Variants in P2RY8 observed in about 807,000 individuals in gnomAD.
P2RY8 encodes P2Y receptor family member 8.
A neutral mutation model predicts 10.0 loss-of-function variants in P2RY8; 6 were observed. The observed-to-expected ratio is 0.60, with a 90% CI of 0.33 to 1.19. The LOEUF (loss-of-function observed/expected upper bound fraction) is 1.19. Ranked by LOEUF, P2RY8 falls within the 50% of genes most tolerant of loss-of-function variation. The pLI is 0.04. For missense variants in P2RY8, 456 were observed against 542.0 expected, an observed-to-expected ratio of 0.84 and a Z score of 1.58; for synonymous variants, 276 against 252.5, an observed-to-expected ratio of 1.09 and a Z score of -0.88.
intron 1 of P2RY8, among the ~76,000 whole-genome samples, chrX:1,513,185 C>T (rs1307704470): frequency 6.6e-6 from 1 of 151,642 alleles, no homozygotes; most frequent in Non-Finnish European, 1.5e-5. Flanking sequence ...CACGTCCCTG[C>T]AAAGGATATG....
intron 1 of P2RY8, among the ~76,000 whole-genome samples, chrX:1,502,902 G>A (rs1408390604): frequency 3.3e-5 from 5 of 149,354 alleles, no homozygotes; most frequent in African/African-American, 1.2e-4. Context: ...CCTCCGGAGG[G>A]AACTGGATCC....
In P2RY8 at chrX:1,524,473, T is replaced by A. The variant is rs868487094; in HGVS notation, c.-25+12448A>T. Among the ~76,000 whole-genome samples, 534 of 65,442 alleles carry A rather than the reference T, an allele frequency of 8.2e-3. 56 individuals are homozygous for A. Among genetic ancestry groups the A allele is most frequent in the African/African-American group, 0.03 (483 of 16,190 alleles). 42.9% of individuals were successfully genotyped at this position (65,442 alleles called of 152,430 possible). A position where few individuals can be genotyped will look rare whatever the true frequency, so the allele number is the denominator to read the frequency against. On this transcript the variant is annotated intron_variant, in intron 1 of 1. Coordinates refer to ENST00000381297, the MANE Select transcript of P2RY8 (RefSeq NM_178129.5). ...TCTATCCATCCATCCATCCATCCATTCATCCACTCATCCATCCATACATCC... is the reference window on the plus strand; with the variant it reads ...TCTATCCATCCATCCATCCATCCATACATCCACTCATCCATCCATACATCC...
intron 1 of P2RY8, among the ~76,000 whole-genome samples, chrX:1,467,870 A>G (rs1643329418): frequency 3.3e-5 from 5 of 151,072 alleles, no homozygotes. Flanking sequence ...GTAGATACAG[A>G]GTTTTGCTAT....
intron 1 of P2RY8, among the ~76,000 whole-genome samples, chrX:1,530,341 T>C (rs2092465886): frequency 6.6e-6 from 1 of 151,752 alleles, no homozygotes; most frequent in Non-Finnish European, 1.5e-5. Flanking sequence ...TACATATCTA[T>C]CTATCTTATC....
intron 1 of P2RY8, among the ~76,000 whole-genome samples, chrX:1,500,191 C>T (rs1259486417): frequency 2.0e-4 from 31 of 151,770 alleles, no homozygotes; most frequent in East Asian, 7.7e-4. Flanking sequence ...TTTTAGTTTT[C>T]GGTGTACAAA....
At chrX:1,468,393 C>G (rs1194750172) in intron 1 of P2RY8, among the ~76,000 whole-genome samples, 4 of 152,216 alleles carry the variant, frequency 2.6e-5, no homozygotes, top group Non-Finnish European at 4.4e-5. Flanking sequence ...CTCTTGGCAG[C>G]CAGATCTGTT....
chrX:1,465,766 G>C lies in P2RY8; in HGVS notation c.793C>G (p.Leu265Val). 1 of 1,613,610 alleles carries C rather than the reference G, an allele frequency of 6.2e-7. No homozygotes were observed. The highest frequency in any genetic ancestry group is 8.5e-7 in the Non-Finnish European group (1 of 1,179,846). Residue 265 changes from leucine to valine, a missense_variant, in exon 2 of 2, where the codon CTG becomes GTG. By Grantham distance (32) the Leu-to-Val change is conservative (BLOSUM62 1). Coordinates refer to ENST00000381297, the MANE Select transcript of P2RY8 (RefSeq NM_178129.5). ...FVLLAHIVSR[L>V]FYGKSYYHVY... is the part of the protein sequence containing the mutation. ...TGGTAGTAGCTCTTGCCGTAGAACA[G>C]GCGGCTCACGATGTGCGCCAGGAGC...
At position 1,465,825 on chromosome X, in the gene P2RY8, G is replaced by A. The variant is rs1257073415; in HGVS notation, c.734C>T (p.Ala245Val). 5.0e-6 allele frequency: 8 copies of A among 1,613,230 alleles called. No homozygotes were observed. In the South Asian group the frequency reaches 7.7e-5, roughly 15 times the overall value. The change falls in exon 2 of 2, where the codon GCC (alanine) becomes GTC (valine). Residue 245 changes from alanine to valine, a missense_variant. Coordinates refer to ENST00000381297, the MANE Select transcript of P2RY8 (RefSeq NM_178129.5). ...AVGLAAVVLL[A>V]FVTCFAPNNF... ...GTTGGGGGCGAAGCAGGTGACAAAG[G>A]CCAGCAAGACCACCGCGGCCAGGCC... is the stretch of plus-strand genomic sequence containing the variant.
intron 1 of P2RY8, among the ~76,000 whole-genome samples, chrX:1,534,264 T>C (rs1450237459): frequency 1.2e-4 from 17 of 144,808 alleles, no homozygotes; most frequent in African/African-American, 4.0e-4. Flanking sequence ...TATATAATTA[T>C]ATATGTAATA....
intron 1 of P2RY8, among the ~76,000 whole-genome samples, chrX:1,515,323 C>A (rs1181227881): frequency 6.6e-6 from 1 of 151,494 alleles, no homozygotes; most frequent in African/African-American, 2.4e-5. Context: ...GGGTTTAGAA[C>A]GTTAAGTTGT....
chrX:1,464,166 C>A lies in P2RY8; in HGVS notation c.*1313G>T, dbSNP rs192106322. ...AGAGCCCGTGGGCAGACAGGCAGCTCTCCCACTCCCACCTCCAGAATGGTC... is the reference window on the plus strand; with the variant it reads ...AGAGCCCGTGGGCAGACAGGCAGCTATCCCACTCCCACCTCCAGAATGGTC... On this transcript the variant is annotated 3_prime_UTR_variant, in exon 2 of 2. Coordinates refer to ENST00000381297, the MANE Select transcript of P2RY8 (RefSeq NM_178129.5). 1.4e-3 allele frequency: 326 copies of A among 233,454 alleles called. 4 individuals carry two copies. Among genetic ancestry groups the A allele is most frequent in the African/African-American group, 6.6e-3 (301 of 45,480 alleles). 14.5% of individuals were successfully genotyped at this position (233,454 alleles called of 1,614,324 possible).
chrX:1,514,982 TA>T (rs2092334715), intron 1 of P2RY8, among the ~76,000 whole-genome samples: 1 of 147,240 alleles, frequency 6.8e-6, no homozygotes, highest in African/African-American at 2.5e-5. Context: ...CAGCTCACTG[TA>T]ACCTCAGCCT....
intron 1 of P2RY8, among the ~76,000 whole-genome samples, chrX:1,533,215 G>C (rs1413328189): frequency 6.7e-6 from 1 of 150,168 alleles, no homozygotes; most frequent in African/African-American, 2.4e-5. Context: ...AATGGCACGT[G>C]TTTCCCCAAA....
chrX:1,473,554 TGGTAGGTGGGTTTGTGAATGGGTG>T (rs1569536641), intron 1 of P2RY8, among the ~76,000 whole-genome samples: 10 of 73,998 alleles, frequency 1.4e-4, no homozygotes, highest in Admixed American at 2.7e-4. Context: ...GGTGGATGAA[TGGTAGGTGGGTTTGTGAATGGGTG>T]GGTAGGTGGG....
rs200085866 is a variant in P2RY8, at chrX:1,514,792, TCCTTC to T, written c.-25+22124_-25+22128del. On this transcript the variant is annotated intron_variant, in intron 1 of 1. Transcript: ENST00000381297. The stretch of plus-strand genomic sequence containing the variant: ...TTCCTTTCCTCCCCTCCCTTCCTTT[TCCTTC>T]CCTTCCCTTCCTTTCCTTTCCTTCC... Among the ~76,000 whole-genome samples, 81 of 19,172 alleles carry T rather than the reference TCCTTC, an allele frequency of 4.2e-3. 9 individuals carry two copies. The East Asian group carries it at 0.05, about 12-fold the overall frequency. The allele number at this position is 19,172 out of a possible 152,430, so 12.6% of individuals were successfully genotyped here.
At chrX:1,525,661 A>G (rs1464631407) in intron 1 of P2RY8, among the ~76,000 whole-genome samples, 1 of 152,128 alleles carries the variant, frequency 6.6e-6, no homozygotes. Context: ...CCACCCATGA[A>G]TTCATTTATC....
At chrX:1,529,734 C>T (rs1376791819) in intron 1 of P2RY8, among the ~76,000 whole-genome samples, 1 of 152,038 alleles carries the variant, frequency 6.6e-6, no homozygotes, top group South Asian at 2.1e-4. Flanking sequence ...CTCTCTGGCA[C>T]CTATATCTAT....
chrX:1,513,768 C>T (rs1406834008), intron 1 of P2RY8, among the ~76,000 whole-genome samples: 2 of 151,116 alleles, frequency 1.3e-5, no homozygotes, highest in Admixed American at 6.6e-5. Flanking sequence ...GGGAGGATCC[C>T]TCCTGCCTCT....
intron 1 of P2RY8, among the ~76,000 whole-genome samples, chrX:1,501,710 C>T (rs1275279008): frequency 6.6e-6 from 1 of 152,068 alleles, no homozygotes; most frequent in African/African-American, 2.4e-5. Context: ...TCTCCTGCCT[C>T]AGCCTCCCGA....
Sources: gnomAD v4.1 joint callset for allele counts (sites outside exome capture counted in the v4.1 genomes callset) on GRCh38, gnomAD v4.1.1 for gene constraint, MANE v1.5 for transcripts, NCBI Gene and HGNC (gene_info 2026-07-23, HGNC 2026-07-21) for gene names.